The following CSNK1G1 variants were observed in gnomAD, a reference collection of about 807,000 sequenced individuals.
CSNK1G1 encodes the protein casein kinase 1 gamma 1, also known as casein kinase I isoform gamma-1.
A neutral mutation model predicts 59.6 loss-of-function variants in CSNK1G1; 22 were observed. That is an observed-to-expected ratio of 0.37 (90% CI 0.26 to 0.53). CSNK1G1 has a LOEUF of 0.53. Among genes scored for constraint, CSNK1G1 ranks in the 20% least tolerant of loss-of-function variants. The pLI is 0.89. For missense variants in CSNK1G1, 384 were observed against 519.5 expected (o/e 0.74, Z 2.54); for synonymous variants, 179 against 177.1 (o/e 1.01, Z -0.08).
chr15:64,302,371 G>C (rs1042594238), intron 1 of CSNK1G1, among the ~76,000 whole-genome samples: 1 of 152,096 alleles, frequency 6.6e-6, no homozygotes, highest in African/African-American at 2.4e-5. Context: ...AAAGTGCTGG[G>C]ATTACAGGCG....
In CSNK1G1 at chr15:64,171,432, G is replaced by C. The variant is rs2081662929; in HGVS notation, c.*499C>G. 6.3e-6 allele frequency: 1 copy of C among 159,722 alleles called. No individual in the cohort carries two copies. The allele number at this position is 159,722 out of a possible 1,614,324, so 9.9% of individuals were successfully genotyped here. Reference sequence around the variant, plus strand: ...GGAAACCATACTGCCAGGCACACCTGGGATACGGAGAAGGTTCTTCTCCAG... The same window carrying C: ...GGAAACCATACTGCCAGGCACACCTCGGATACGGAGAAGGTTCTTCTCCAG... On this transcript the variant is annotated 3_prime_UTR_variant, in exon 12 of 12. Transcript: ENST00000303052. This position sits in a 1 kb window ranked among gnomAD's most constrained non-coding sequence, Gnocchi z 4.8.
At chr15:64,202,957 G>T in intron 10 of CSNK1G1, 125 bp downstream of exon 10, 1 of 747,204 alleles carries the variant, frequency 1.3e-6, no homozygotes. Context: ...ACACCTGTAA[G>T]AAATGGCAAG....
intron 4 of CSNK1G1, among the ~76,000 whole-genome samples, chr15:64,250,807 A>T (rs1350413327): frequency 1.3e-5 from 2 of 152,150 alleles, no homozygotes; most frequent in African/African-American, 4.8e-5. Flanking sequence ...TTCATATAAA[A>T]CCTGTCACAG....
At chr15:64,191,514 T>C (rs1032724507) in intron 10 of CSNK1G1, among the ~76,000 whole-genome samples, 2 of 152,228 alleles carry the variant, frequency 1.3e-5, no homozygotes, top group Non-Finnish European at 2.9e-5. Flanking sequence ...TTTTATGCTA[T>C]TGTCTGATTC....
intron 2 of CSNK1G1, among the ~76,000 whole-genome samples, chr15:64,291,995 G>A (rs1019962545): frequency 2.6e-5 from 4 of 152,024 alleles, no homozygotes; most frequent in Non-Finnish European, 4.4e-5. Flanking sequence ...TCAGGAGATC[G>A]AGGCCATCCT....
intron 1 of CSNK1G1, among the ~76,000 whole-genome samples, chr15:64,317,861 A>G (rs1240702771): frequency 6.6e-6 from 1 of 152,204 alleles, no homozygotes; most frequent in Non-Finnish European, 1.5e-5. Context: ...TCTTTAGCCT[A>G]CAATTAGTGC....
chr15:64,305,695 CAAAAAA>C, intron 1 of CSNK1G1, among the ~76,000 whole-genome samples: 1 of 56,750 alleles, frequency 1.8e-5, no homozygotes, highest in African/African-American at 6.8e-5. Flanking sequence ...ACCCTGTCTC[CAAAAAA>C]AAAAAAACAA....
intron 1 of CSNK1G1, among the ~76,000 whole-genome samples, chr15:64,332,673 ATT>A (rs1897171742): frequency 6.7e-6 from 1 of 150,272 alleles, no homozygotes; most frequent in African/African-American, 2.4e-5. Flanking sequence ...TTAAAGTATA[ATT>A]AAAAATAAAA....
rs757047428 is a variant in CSNK1G1, at chr15:64,214,077, A to G, written c.492T>C (p.Asp164=). Residue 164 remains aspartate, a synonymous_variant, in exon 6 of 12, where the codon GAT becomes GAC. Coordinates refer to ENST00000303052, the MANE Select transcript of CSNK1G1 (RefSeq NM_022048.5). The surrounding 1 kb of genome is among the most constrained non-coding windows in gnomAD (Gnocchi z 4.3). The stretch of plus-strand genomic sequence containing the variant: ...CAATCAGGAAGTTCTCTGGCTTGAC[A>G]TCTCGGTAAATGAGGTTCTTTGAGT... ...YVHSKNLIYR[D]VKPENFLIGR... is the part of the protein sequence containing the mutation. The G allele has an allele frequency of 6.2e-7, 1 of 1,614,078 alleles. No homozygotes were observed. The highest frequency in any genetic ancestry group is 8.5e-7 in the Non-Finnish European group (1 of 1,179,980).
chr15:64,346,420 GTTT>G (rs924731983), intron 1 of CSNK1G1, among the ~76,000 whole-genome samples: 1 of 133,348 alleles, frequency 7.5e-6, no homozygotes, highest in African/African-American at 2.8e-5. Context: ...TTGGAAACGA[GTTT>G]TTATTTATTT....
chr15:64,180,531 A>T (rs945368769), intron 10 of CSNK1G1, 77 bp from the exon 11 acceptor site: 8 of 1,129,168 alleles, frequency 7.1e-6, no homozygotes, highest in Non-Finnish European at 1.1e-5. Flanking sequence ...CAGGGTCGCT[A>T]AACAGGCAGT....
At chr15:64,262,658 G>C (rs1019105710) in intron 2 of CSNK1G1, among the ~76,000 whole-genome samples, 3 of 152,162 alleles carry the variant, frequency 2.0e-5, no homozygotes, top group African/African-American at 7.2e-5. Context: ...TGTGCACTAA[G>C]CTACAGGACA....
intron 1 of CSNK1G1, among the ~76,000 whole-genome samples, chr15:64,323,091 T>G (rs1466838542): frequency 6.6e-6 from 1 of 151,628 alleles, no homozygotes; most frequent in Non-Finnish European, 1.5e-5. Flanking sequence ...CTGGGCTAAT[T>G]TTTCCTTTTT....
chr15:64,220,144 G>T (rs1399348944), intron 4 of CSNK1G1, among the ~76,000 whole-genome samples: 1 of 151,524 alleles, frequency 6.6e-6, no homozygotes, highest in African/African-American at 2.4e-5. Flanking sequence ...GCTCAGGCCG[G>T]AATGCAGTGG....
chr15:64,177,004 C>G (rs1349679636), intron 11 of CSNK1G1, among the ~76,000 whole-genome samples: 5 of 152,138 alleles, frequency 3.3e-5, no homozygotes, highest in Admixed American at 6.5e-5. Context: ...CTTACTGTAA[C>G]AAAAATCAAC....
Position 64,344,274 on chromosome 15 carries a change from G to GCCCT in CSNK1G1, c.-225+11710_-225+11713dup, listed in dbSNP as rs371197756. Among the ~76,000 whole-genome samples, 8 of 152,204 alleles carry GCCCT rather than the reference G, an allele frequency of 5.3e-5. No homozygotes were observed. In the East Asian group the frequency reaches 1.5e-3, roughly 29 times the overall value. On this transcript the variant is annotated intron_variant, in intron 1 of 11. Coordinates refer to ENST00000303052, the MANE Select transcript of CSNK1G1 (RefSeq NM_022048.5). ...TTCTCAACAGATGTGCATCCTTCAA[G>GCCCT]CCCTGAATTCACCAGATGCATATTA...
chr15:64,189,810 A>C (rs868231144), intron 10 of CSNK1G1, among the ~76,000 whole-genome samples: 95 of 144,826 alleles, frequency 6.6e-4, no homozygotes, highest in African/African-American at 2.3e-3. Flanking sequence ...ACCAGCTACA[A>C]TTTACTTTTT....
Position 64,171,822 on chromosome 15 carries a change from G to T in CSNK1G1, c.*109C>A. ...CATCTGTTTTCTTCTTTTTGGTTTG[G>T]ATATCCACCCTCCCCCAAAGAGGAG... On this transcript the variant is annotated 3_prime_UTR_variant, in exon 12 of 12. Coordinates refer to ENST00000303052, the MANE Select transcript of CSNK1G1 (RefSeq NM_022048.5). This position sits in a 1 kb window ranked among gnomAD's most constrained non-coding sequence, Gnocchi z 4.8. The T allele has an allele frequency of 3.0e-6, 3 of 992,660 alleles. No individual in the cohort carries two copies. The Admixed American group carries it at 5.4e-5, about 18-fold the overall frequency. The allele number at this position is 992,660 out of a possible 1,614,324, so 61.5% of individuals were successfully genotyped here. A position where few individuals can be genotyped will look rare whatever the true frequency, so the allele number is the denominator to read the frequency against.
At chr15:64,354,685 T>C (rs1898541269) in intron 1 of CSNK1G1, among the ~76,000 whole-genome samples, 2 of 152,336 alleles carry the variant, frequency 1.3e-5, no homozygotes, top group South Asian at 4.1e-4. Flanking sequence ...TGACTGTGTA[T>C]GATTAATGGT....
Sources: gnomAD v4.1 joint callset for allele counts (sites outside exome capture counted in the v4.1 genomes callset) on GRCh38, gnomAD v4.1.1 for gene constraint, Gnocchi (gnomAD v3.1) non-coding constraint, MANE v1.5 for transcripts, NCBI Gene and HGNC (gene_info 2026-07-23, HGNC 2026-07-21) for gene names.